The following SOX30 variants were observed in gnomAD, a reference collection of about 807,000 sequenced individuals.
The protein encoded by SOX30 is transcription factor SOX-30.
SOX30 carries 17 observed loss-of-function variants against 58.6 expected under a neutral mutation model. The observed-to-expected ratio is 0.29, with a 90% CI of 0.20 to 0.44. SOX30 has a LOEUF of 0.44. Among genes scored for constraint, SOX30 ranks in the 20% least tolerant of loss-of-function variants. The probability of loss-of-function intolerance (pLI) is 1.00; values close to 1 mark genes in which losing one functional copy is unlikely to be tolerated. For missense variants in SOX30, 951 were observed against 965.8 expected (o/e 0.98, Z 0.20); for synonymous variants, 421 against 400.2 (o/e 1.05, Z -0.62).
chr5:157,653,243 C>T (rs1168510515), upstream of SOX30, among the ~76,000 whole-genome samples: 2 of 152,194 alleles, frequency 1.3e-5, no homozygotes, highest in African/African-American at 4.8e-5. Context: ...CTTTTACTGA[C>T]TCTGAAAATC....
chr5:157,670,903 A>T (rs1370813816), intron 1 of SOX30, among the ~76,000 whole-genome samples: 2 of 152,172 alleles, frequency 1.3e-5, no homozygotes, highest in Non-Finnish European at 2.9e-5. Flanking sequence ...GCGTTACCGA[A>T]ATATTAGGTT....
chr5:157,661,254 T>C (rs558427602), intron 2 of SOX30, among the ~76,000 whole-genome samples: 32 of 152,282 alleles, frequency 2.1e-4, no homozygotes, highest in African/African-American at 7.5e-4. Context: ...TTTAAGCATG[T>C]TGTTAGTCAT....
chr5:157,667,040 A>G (rs1759688741), intron 2 of SOX30, among the ~76,000 whole-genome samples: 1 of 152,134 alleles, frequency 6.6e-6, no homozygotes, highest in Non-Finnish European at 1.5e-5. Flanking sequence ...CTGGACTCCA[A>G]CCCAGGTGTC....
At position 157,667,938 on chromosome 5, in the gene SOX30, A is replaced by T. The variant is rs1390071908; in HGVS notation, c.-3-86T>A. On this transcript the variant is annotated intron_variant, in intron 1 of 5. Transcript: ENST00000519442. Reference sequence around the variant, plus strand: ...TATCTTACCTCATTCATTCCCCACAACAACACTTGTCAGGCATCACGCCTA... The same window carrying T: ...TATCTTACCTCATTCATTCCCCACATCAACACTTGTCAGGCATCACGCCTA... The T allele has an allele frequency of 3.6e-6, 5 of 1,388,208 alleles. No individual in the cohort carries two copies. In the Admixed American group the frequency reaches 1.1e-4, roughly 29 times the overall value. The allele number at this position is 1,388,208 out of a possible 1,614,324, so 86.0% of individuals were successfully genotyped here. A position where few individuals can be genotyped will look rare whatever the true frequency, so the allele number is the denominator to read the frequency against.
At chr5:157,654,552 G>A (rs1332309213), upstream of SOX30, among the ~76,000 whole-genome samples, 2 of 152,214 alleles carry the variant, frequency 1.3e-5, no homozygotes, top group Admixed American at 6.5e-5. Context: ...AGAGGTGTGT[G>A]AACCAGAGCA....
intron 1 of SOX30, among the ~76,000 whole-genome samples, chr5:157,650,306 G>C (rs1759297959): frequency 6.6e-6 from 1 of 151,748 alleles, no homozygotes; most frequent in South Asian, 2.1e-4. Flanking sequence ...GAGTGGAGAG[G>C]AAGAATCAAC....
At chr5:157,660,444 T>C (rs1759557667) in intron 2 of SOX30, among the ~76,000 whole-genome samples, 1 of 149,896 alleles carries the variant, frequency 6.7e-6, no homozygotes. Flanking sequence ...TAAAATAAAA[T>C]AAAATAAAGT....
chr5:157,662,003 ATAATT>A (rs1045106191), intron 2 of SOX30, among the ~76,000 whole-genome samples: 4 of 152,328 alleles, frequency 2.6e-5, no homozygotes, highest in African/African-American at 9.6e-5. Context: ...AGATTCTAAA[ATAATT>A]TAATTAAACG....
At chr5:157,630,919 T>C (rs1445548541) in intron 4 of SOX30, among the ~76,000 whole-genome samples, 1 of 129,154 alleles carries the variant, frequency 7.7e-6, no homozygotes, top group Non-Finnish European at 1.6e-5. Flanking sequence ...ATATAATATC[T>C]ATATTATATA....
intron 2 of SOX30, among the ~76,000 whole-genome samples, chr5:157,659,254 C>G (rs1015591186): frequency 6.6e-6 from 1 of 152,218 alleles, no homozygotes; most frequent in African/African-American, 2.4e-5. Flanking sequence ...AGAACCTTCT[C>G]TTGGGTTCTG....
chr5:157,653,217 G>T (rs778426744), upstream of SOX30, among the ~76,000 whole-genome samples: 5 of 152,100 alleles, frequency 3.3e-5, no homozygotes, highest in Admixed American at 6.5e-5. Context: ...GCTCAACTGG[G>T]ACTTCTTCAG....
In SOX30 at chr5:157,638,738, T is replaced by C; in HGVS notation, c.1388-16A>G. ...GAGGTTTCACCTTTAGAAATAAAAA[T>C]AGCATAAATCAAGAATTAACTGAGT... On this transcript the variant is annotated splice_polypyrimidine_tract_variant and intron_variant, in intron 3 of 4. Transcript: ENST00000265007. 4 of 1,570,346 alleles carry C rather than the reference T, an allele frequency of 2.5e-6. No homozygotes were observed. The highest frequency in any genetic ancestry group is 3.4e-6 in the Non-Finnish European group (4 of 1,159,560).
intron 4 of SOX30, among the ~76,000 whole-genome samples, chr5:157,633,573 C>A (rs1481154874): frequency 6.6e-6 from 1 of 152,126 alleles, no homozygotes; most frequent in Non-Finnish European, 1.5e-5. Flanking sequence ...AGTTTCCCTC[C>A]TCCATAAGTT....
chr5:157,652,344 C>T lies in SOX30; in HGVS notation c.-266G>A, dbSNP rs971199235. The T allele has an allele frequency of 1.5e-5, 18 of 1,196,908 alleles. No homozygotes were observed. Among genetic ancestry groups the T allele is most frequent in the Non-Finnish European group, 1.8e-5 (17 of 966,658 alleles). 74.1% of individuals were successfully genotyped at this position (1,196,908 alleles called of 1,614,324 possible). The stretch of plus-strand genomic sequence containing the variant: ...AATCACCTGCCATGGTAGGAGCCGC[C>T]GCACTTGTTGCACATTTTCGTTCTG... On this transcript the variant is annotated 5_prime_UTR_variant, in exon 1 of 5. Transcript: ENST00000265007.
intron 1 of SOX30, among the ~76,000 whole-genome samples, chr5:157,650,442 C>T (rs1468313779): frequency 6.6e-6 from 1 of 152,060 alleles, no homozygotes; most frequent in African/African-American, 2.4e-5. Flanking sequence ...TAAGAATTTG[C>T]TAACTATATA....
chr5:157,667,192 GCT>G (rs1366073232), intron 2 of SOX30, among the ~76,000 whole-genome samples: 3 of 152,164 alleles, frequency 2.0e-5, no homozygotes, highest in Non-Finnish European at 2.9e-5. Context: ...AGTCCTGACT[GCT>G]GCCCCAGACT....
chr5:157,631,047 T>G (rs921756685), intron 4 of SOX30, among the ~76,000 whole-genome samples: 24 of 53,262 alleles, frequency 4.5e-4, no homozygotes, highest in African/African-American at 1.3e-3. Flanking sequence ...TATATATATT[T>G]TATATATATA....
At chr5:157,659,057 A>G (rs914271406) in intron 2 of SOX30, among the ~76,000 whole-genome samples, 6 of 152,238 alleles carry the variant, frequency 3.9e-5, no homozygotes, top group Admixed American at 3.3e-4. Context: ...ACATTACCCT[A>G]TATGGTCTAA....
upstream of SOX30, among the ~76,000 whole-genome samples, chr5:157,655,135 G>GT (rs375173059): frequency 7.9e-5 from 12 of 152,174 alleles, no homozygotes; most frequent in African/African-American, 2.9e-4. Flanking sequence ...TAAGCCCCCA[G>GT]TAAGTGGTGA....
Sources: allele counts gnomAD v4.1 joint callset (sites outside exome capture counted in the v4.1 genomes callset), GRCh38; gene constraint gnomAD v4.1.1; transcripts MANE v1.5; gene names NCBI Gene and HGNC (gene_info 2026-07-23, HGNC 2026-07-21).